MKLN1: variants seen among roughly 807,000 people sequenced by gnomAD.
The protein encoded by MKLN1 is muskelin 1.
MKLN1 carries 18 observed loss-of-function variants against 99.0 expected under a neutral mutation model. The observed-to-expected ratio is 0.18, with a 90% confidence interval of 0.13 to 0.27. MKLN1 has a LOEUF of 0.27. Ranked by LOEUF, MKLN1 falls within the 10% of genes least tolerant of loss-of-function variation. The pLI is 1.00. For missense variants in MKLN1, 621 were observed against 875.9 expected (o/e 0.71, Z 3.67); for synonymous variants, 288 against 293.2 (o/e 0.98, Z 0.18).
At chr7:131,294,272 A>T (rs972961084) in intron 3 of MKLN1, among the ~76,000 whole-genome samples, 1 of 152,182 alleles carries the variant, frequency 6.6e-6, no homozygotes, top group African/African-American at 2.4e-5. Context: ...TTCTTAGGAG[A>T]TGTATGCTGA....
chr7:131,387,671 G>A (rs1794073853), intron 3 of MKLN1, among the ~76,000 whole-genome samples: 1 of 152,158 alleles, frequency 6.6e-6, no homozygotes, highest in Non-Finnish European at 1.5e-5. Context: ...TTTACTGTAA[G>A]TTGGAGACTA....
intron 8 of MKLN1, among the ~76,000 whole-genome samples, chr7:131,420,477 G>A (rs1257027867): frequency 6.6e-6 from 1 of 152,122 alleles, no homozygotes; most frequent in Non-Finnish European, 1.5e-5. Context: ...TACAACAAGA[G>A]GATCCAATAT....
intron 1 of MKLN1, among the ~76,000 whole-genome samples, chr7:131,365,169 A>G (rs931292472): frequency 2.0e-5 from 3 of 152,150 alleles, no homozygotes; most frequent in African/African-American, 7.2e-5. Context: ...GTGAGATGGT[A>G]TCTCATTGTG....
chr7:131,400,519 ATAT>A (rs1171160971), intron 6 of MKLN1, among the ~76,000 whole-genome samples: 7 of 60,366 alleles, frequency 1.2e-4, no homozygotes, highest in African/African-American at 4.8e-4. Context: ...TAAAAAAAAA[ATAT>A]ATATATATAT....
intron 3 of MKLN1, among the ~76,000 whole-genome samples, chr7:131,248,592 C>G (rs1000908662): frequency 1.3e-5 from 2 of 152,204 alleles, no homozygotes; most frequent in African/African-American, 4.8e-5. Context: ...GCTCCGTCCT[C>G]TACCTAAAGG....
rs1040287156 is a variant in MKLN1, at chr7:131,208,547, T to C, written c.-179+5573T>C. 5.3e-5 allele frequency among the ~76,000 whole-genome samples: 8 copies of C among 152,262 alleles called. No homozygotes were observed. In the East Asian group the frequency reaches 1.5e-3, roughly 29 times the overall value. Reference sequence around the variant, plus strand: ...GAGGTTGGTCGAGGCTGCAGTGAGCTGAGATGGCACCACTGCACTCCAGCC... The same window carrying C: ...GAGGTTGGTCGAGGCTGCAGTGAGCCGAGATGGCACCACTGCACTCCAGCC... On this transcript the variant is annotated intron_variant, in intron 3 of 7. Coordinates refer to the MKLN1 transcript ENST00000416992.
intron 2 of MKLN1, among the ~76,000 whole-genome samples, chr7:131,173,913 A>G (rs1315462836): frequency 6.6e-6 from 1 of 151,684 alleles, no homozygotes; most frequent in Admixed American, 6.6e-5. Context: ...GTACTGACAA[A>G]TTGAATTGAG....
chr7:131,173,962 C>CTTT, intron 2 of MKLN1, among the ~76,000 whole-genome samples: 1 of 139,892 alleles, frequency 7.1e-6, no homozygotes, highest in Non-Finnish European at 1.5e-5. Flanking sequence ...GTTTAAAGAC[C>CTTT]TTTTTCTTTT....
At chr7:131,328,053 G>T in intron 1 of MKLN1, 56 bp downstream of exon 1, 1 of 1,577,872 alleles carries the variant, frequency 6.3e-7, no homozygotes, top group Non-Finnish European at 8.6e-7. Context: ...AGCACGGTTG[G>T]GCCAGGGGTG....
At chr7:131,365,695 A>G (rs1800160048) in intron 1 of MKLN1, among the ~76,000 whole-genome samples, 1 of 152,114 alleles carries the variant, frequency 6.6e-6, no homozygotes, top group African/African-American at 2.4e-5. Context: ...ATTTATGGGA[A>G]GGGGAGTCTT....
chr7:131,440,156 T>A (rs1366450574), intron 10 of MKLN1, among the ~76,000 whole-genome samples: 3 of 152,162 alleles, frequency 2.0e-5, no homozygotes, highest in Non-Finnish European at 4.4e-5. Context: ...AATTAACATG[T>A]GTAAAGTACC....
At position 131,429,672 on chromosome 7, in the gene MKLN1, A is replaced by G. The variant is rs187622095; in HGVS notation, c.960+527A>G. Among the ~76,000 whole-genome samples the G allele has an allele frequency of 3.6e-3, 550 of 152,138 alleles. 26 individuals carry two copies. In the East Asian group the frequency reaches 0.091, roughly 25 times the overall value. ...CGACTCACTGCAAGCTCCGCCTCCCAGGTTCATGCCATTCTCCTGCCTCAG... is the reference window on the plus strand; with the variant it reads ...CGACTCACTGCAAGCTCCGCCTCCCGGGTTCATGCCATTCTCCTGCCTCAG... On this transcript the variant is annotated intron_variant, in intron 9 of 17. Coordinates refer to ENST00000352689, the MANE Select transcript of MKLN1 (RefSeq NM_013255.5).
chr7:131,234,227 G>C (rs955520732), intron 3 of MKLN1, among the ~76,000 whole-genome samples: 10 of 152,134 alleles, frequency 6.6e-5, no homozygotes, highest in Non-Finnish European at 1.3e-4. Flanking sequence ...TGATCCGCCT[G>C]CCTCGGCCTC....
chr7:131,471,388 G>C (rs1301733657), intron 16 of MKLN1, among the ~76,000 whole-genome samples: 1 of 152,204 alleles, frequency 6.6e-6, no homozygotes, highest in African/African-American at 2.4e-5. Flanking sequence ...AATCCTTGGT[G>C]CCTTAATATT....
chr7:131,320,669 C>T (rs1206726490), intron 3 of MKLN1, among the ~76,000 whole-genome samples: 1 of 151,916 alleles, frequency 6.6e-6, no homozygotes, highest in African/African-American at 2.4e-5. Flanking sequence ...AAAAATTTTG[C>T]AATCTACCCA....
chr7:131,367,031 A>T (rs1431512980), intron 1 of MKLN1, among the ~76,000 whole-genome samples: 1 of 152,230 alleles, frequency 6.6e-6, no homozygotes, highest in Non-Finnish European at 1.5e-5. Flanking sequence ...AAATAAAGAC[A>T]TATAACTTGG....
At chr7:131,197,844 GT>G (rs914462623) in intron 2 of MKLN1, among the ~76,000 whole-genome samples, 17 of 148,336 alleles carry the variant, frequency 1.1e-4, no homozygotes, top group East Asian at 7.9e-4. Context: ...AAATCAGCAT[GT>G]TTTTTTTTTA....
intron 1 of MKLN1, among the ~76,000 whole-genome samples, chr7:131,137,773 C>T (rs1375338346): frequency 6.6e-6 from 1 of 152,010 alleles, no homozygotes; most frequent in Non-Finnish European, 1.5e-5. Flanking sequence ...TGGGGTTTCA[C>T]CATGTTGGCC....
intron 2 of MKLN1, among the ~76,000 whole-genome samples, chr7:131,382,569 GTTCT>G (rs1001622649): frequency 3.9e-5 from 6 of 151,982 alleles, no homozygotes; most frequent in Non-Finnish European, 2.9e-5. Context: ...TTGTATTTAA[GTTCT>G]TTATCAGATT....
Sources: gnomAD v4.1 joint callset for allele counts (sites outside exome capture counted in the v4.1 genomes callset) on GRCh38, gnomAD v4.1.1 for gene constraint, MANE v1.5 for transcripts, NCBI Gene and HGNC (gene_info 2026-07-23, HGNC 2026-07-21) for gene names.